Variants in MICU1 observed in about 807,000 individuals in gnomAD.
The protein encoded by MICU1 is calcium uptake protein 1, mitochondrial.
MICU1 carries 45 observed loss-of-function variants against 56.8 expected under a neutral mutation model. That is an observed-to-expected ratio of 0.79 (90% CI 0.62 to 1.02). The LOEUF (loss-of-function observed/expected upper bound fraction) is 1.02, where lower values mean the gene tolerates loss of function less well. Among genes scored for constraint, MICU1 ranks in the 50% least tolerant of loss-of-function variants. MICU1 has a pLI of 0.00. For missense variants in MICU1, 504 were observed against 587.1 expected (o/e 0.86, Z 1.46); for synonymous variants, 186 against 195.1 (o/e 0.95, Z 0.39).
At chr10:72,495,956 A>T (rs568775697) in intron 6 of MICU1, among the ~76,000 whole-genome samples, 1 of 151,902 alleles carries the variant, frequency 6.6e-6, no homozygotes, top group Non-Finnish European at 1.5e-5. Flanking sequence ...ATTCATACTA[A>T]GTCATCATTT....
intron 5 of MICU1, among the ~76,000 whole-genome samples, chr10:72,516,787 G>C (rs1393138521): frequency 1.3e-5 from 2 of 152,040 alleles, no homozygotes; most frequent in African/African-American, 4.8e-5. Flanking sequence ...CTGTTCCATT[G>C]GTCTATATGT....
intron 1 of MICU1, among the ~76,000 whole-genome samples, chr10:72,569,220 TATATATATATA>T (rs1840529658): frequency 2.4e-5 from 1 of 41,004 alleles, no homozygotes; most frequent in African/African-American, 1.1e-4. Context: ...TATATATATA[TATATATATATA>T]TATATATTTT....
intron 10 of MICU1, among the ~76,000 whole-genome samples, chr10:72,380,880 G>A (rs76277113): frequency 0.037 from 5,649 of 152,290 alleles, 341 homozygotes; most frequent in African/African-American, 0.13. Flanking sequence ...CTTTTGGTGA[G>A]GGATGAATGA....
intron 1 of MICU1, among the ~76,000 whole-genome samples, chr10:72,569,238 T>G (rs1219066444): frequency 6.7e-5 from 2 of 29,786 alleles, no homozygotes; most frequent in African/African-American, 2.1e-4. Context: ...TATATATATA[T>G]TTTTTTTTTT....
chr10:72,548,155 G>A (rs184543025), intron 4 of MICU1, among the ~76,000 whole-genome samples: 145 of 152,258 alleles, frequency 9.5e-4, no homozygotes, highest in African/African-American at 2.9e-3. Context: ...CATAGCTGAG[G>A]TTTCATCCTG....
chr10:72,427,766 A>G (rs1864396853), intron 8 of MICU1, among the ~76,000 whole-genome samples: 1 of 122,382 alleles, frequency 8.2e-6, no homozygotes, highest in Non-Finnish European at 1.8e-5. Context: ...ATATATATAT[A>G]TATGAATGAT....
chr10:72,407,498 T>C (rs977855419), intron 10 of MICU1, among the ~76,000 whole-genome samples: 4 of 152,118 alleles, frequency 2.6e-5, no homozygotes, highest in African/African-American at 9.7e-5. Context: ...AGCGGGGTGT[T>C]ATTCTCAGAG....
chr10:72,520,193 T>C (rs531936741), intron 5 of MICU1, among the ~76,000 whole-genome samples: 1 of 152,194 alleles, frequency 6.6e-6, no homozygotes, highest in Non-Finnish European at 1.5e-5. Context: ...GGTGGGGTGT[T>C]AGAAAGAAAG....
At position 72,561,937 on chromosome 10, in the gene MICU1, T is replaced by C. The variant is rs1046263887; in HGVS notation, c.330+958A>G. Among the ~76,000 whole-genome samples the C allele has an allele frequency of 3.3e-5, 5 of 152,200 alleles. No individual in the cohort carries two copies. In the East Asian group the frequency reaches 9.6e-4, roughly 29 times the overall value. ...CGCAGAAATAACTCAAATTATCTTG[T>C]TGCATTATTAGCTATAGTTTAGCAA... is the stretch of plus-strand genomic sequence containing the variant. On this transcript the variant is annotated intron_variant, in intron 3 of 11. Coordinates refer to ENST00000361114, the MANE Select transcript of MICU1 (RefSeq NM_001195518.2).
intron 1 of MICU1, among the ~76,000 whole-genome samples, chr10:72,611,297 C>A (rs1334706914): frequency 1.4e-5 from 2 of 140,456 alleles, no homozygotes; most frequent in East Asian, 4.3e-4. Flanking sequence ...AGCGAGACTC[C>A]CTTTAAAAAA....
intron 4 of MICU1, among the ~76,000 whole-genome samples, chr10:72,541,755 G>A (rs1377186524): frequency 2.0e-5 from 3 of 152,134 alleles, no homozygotes; most frequent in African/African-American, 4.8e-5. Flanking sequence ...CAATACAGCT[G>A]TATCAGTTAA....
Position 72,553,140 on chromosome 10 carries a change from AG to A in MICU1, c.331-1800del, listed in dbSNP as rs1336167462. 2.2e-4 allele frequency among the ~76,000 whole-genome samples: 34 copies of A among 152,358 alleles called. No individual in the cohort carries two copies. The East Asian group carries it at 6.2e-3, about 28-fold the overall frequency. The stretch of plus-strand genomic sequence containing the variant: ...GTAAAGAGTTTTGCAACCTCTCAGC[AG>A]CCTTGAGACATAGCTACAAGTTTTG... On this transcript the variant is annotated intron_variant, in intron 3 of 11. Coordinates refer to ENST00000361114, the MANE Select transcript of MICU1 (RefSeq NM_001195518.2).
At position 72,547,342 on chromosome 10, in the gene MICU1, G is replaced by A. The variant is rs116224884; in HGVS notation, c.493+3837C>T. 1.1e-3 allele frequency among the ~76,000 whole-genome samples: 172 copies of A among 152,072 alleles called. 1 individual carries two copies. The highest frequency in any genetic ancestry group is 4.0e-3 in the African/African-American group (164 of 41,498). On this transcript the variant is annotated intron_variant, in intron 4 of 11. Transcript: ENST00000361114. ...GCTTGAGCCACAGTACCCAGCCAATGCTCTAAATTAAAAGCTCAATGCAAT... is the reference window on the plus strand; with the variant it reads ...GCTTGAGCCACAGTACCCAGCCAATACTCTAAATTAAAAGCTCAATGCAAT...
intron 4 of MICU1, among the ~76,000 whole-genome samples, 182 bp downstream of exon 4, chr10:72,550,997 C>A (rs937838888): frequency 2.0e-5 from 3 of 152,202 alleles, no homozygotes; most frequent in African/African-American, 7.2e-5. Flanking sequence ...CAGATTGCCA[C>A]ATTAGACTGC....
At position 72,562,982 on chromosome 10, in the gene MICU1, A is replaced by T; in HGVS notation, c.243T>A (p.Asp81Glu). 4 of 1,609,900 alleles carry T rather than the reference A, an allele frequency of 2.5e-6. No homozygotes were observed. In the South Asian group the frequency reaches 3.3e-5, roughly 13 times the overall value. Residue 81 changes from aspartate (D) to glutamate (E), a missense_variant, in exon 3 of 12, where the codon GAT becomes GAA. Physicochemically the swap from Asp to Glu is conservative, Grantham distance 45. Transcript: ENST00000361114. The part of the protein sequence containing the change: ...GDKGKNKDEG[D>E]VCNHEKKTAD... ...CAGTCTTTTTCTCATGGTTACAAAC[A>T]TCCCCTTCATCTTTATTCTTCCCTT...
At chr10:72,594,925 C>CAAAAAAAAAAAAAAAAAAAAAAAAAAA (rs57504317) in intron 1 of MICU1, among the ~76,000 whole-genome samples, 3 of 50,738 alleles carry the variant, frequency 5.9e-5, no homozygotes, top group Admixed American at 2.0e-4. Flanking sequence ...AAGTACAATC[C>CAAAAAAAAAAAAAAAAAAAAAAAAAAA]AAAAAAAAAA....
intron 5 of MICU1, chr10:72,524,776 A>G (rs1189450073): frequency 6.5e-6 from 8 of 1,226,996 alleles, no homozygotes; most frequent in Non-Finnish European, 8.1e-6. Context: ...AAGAAAAAAC[A>G]TTGACATTGT....
chr10:72,378,147 G>T (rs905977354), intron 10 of MICU1, among the ~76,000 whole-genome samples: 2 of 152,190 alleles, frequency 1.3e-5, no homozygotes, highest in African/African-American at 4.8e-5. Context: ...AAGCTACTCA[G>T]GAGGCTGAGA....
At chr10:72,458,896 T>G (rs1242831062) in intron 8 of MICU1, among the ~76,000 whole-genome samples, 1 of 85,138 alleles carries the variant, frequency 1.2e-5, no homozygotes, top group Non-Finnish European at 2.5e-5. Context: ...TTTTTTTTTT[T>G]TGTATTTTTT....
Sources: allele counts gnomAD v4.1 joint callset (sites outside exome capture counted in the v4.1 genomes callset), GRCh38; gene constraint gnomAD v4.1.1; transcripts MANE v1.5; gene names NCBI Gene and HGNC (gene_info 2026-07-23, HGNC 2026-07-21).